The following VPS35L variants were observed in gnomAD, a reference collection of about 807,000 sequenced individuals.
VPS35L encodes the protein VPS35 endosomal protein-sorting factor-like.
Under a neutral mutation model 133.0 loss-of-function variants are expected in VPS35L, and 83 were observed. That is an observed-to-expected ratio of 0.62 (90% confidence interval 0.52 to 0.75). VPS35L has a LOEUF of 0.75. Ranked by LOEUF, VPS35L falls within the 30% of genes least tolerant of loss-of-function variation. The pLI is 0.00. For synonymous variants in VPS35L, 423 were observed against 449.9 expected (o/e 0.94, Z 0.76); for missense variants, 1,083 against 1,206.8 (o/e 0.90, Z 1.52).
intron 24 of VPS35L, among the ~76,000 whole-genome samples, chr16:19,648,300 C>G (rs9938513): frequency 0.4 from 60,658 of 151,880 alleles, 12,766 homozygotes; most frequent in African/African-American, 0.52. Context: ...TTTTGTTACT[C>G]TTCTCTATGG....
intron 14 of VPS35L, among the ~76,000 whole-genome samples, chr16:19,618,831 C>T (rs985087660): frequency 6.6e-6 from 1 of 152,028 alleles, no homozygotes; most frequent in African/African-American, 2.4e-5. Context: ...ATTTTTATAT[C>T]TGTGCGAGAG....
intron 28 of VPS35L, among the ~76,000 whole-genome samples, chr16:19,684,222 GGA>G (rs1223581146): frequency 6.6e-6 from 1 of 152,142 alleles, no homozygotes; most frequent in Non-Finnish European, 1.5e-5. Flanking sequence ...ACTTACCACA[GGA>G]CATCCCAGTT....
At chr16:19,561,554 T>C (rs1466403139) in intron 1 of VPS35L, among the ~76,000 whole-genome samples, 1 of 152,150 alleles carries the variant, frequency 6.6e-6, no homozygotes, top group Non-Finnish European at 1.5e-5. Context: ...AGCTGACTAG[T>C]TGCACGGCAC....
At chr16:19,687,966 G>T (rs529762880) in intron 28 of VPS35L, among the ~76,000 whole-genome samples, 2 of 152,050 alleles carry the variant, frequency 1.3e-5, no homozygotes, top group Admixed American at 1.3e-4. Context: ...ACAAAATGTA[G>T]CCCTGCCTGC....
At chr16:19,609,611 A>G (rs1406747896) in intron 11 of VPS35L, among the ~76,000 whole-genome samples, 3 of 152,216 alleles carry the variant, frequency 2.0e-5, no homozygotes, top group African/African-American at 7.2e-5. Flanking sequence ...TCTGCAGAGC[A>G]GGTGAAATGC....
intron 23 of VPS35L, among the ~76,000 whole-genome samples, chr16:19,645,784 A>G (rs890533912): frequency 6.6e-6 from 1 of 152,170 alleles, no homozygotes; most frequent in African/African-American, 2.4e-5. Context: ...CTGAGTCAGG[A>G]GGGCCGAGAG....
intron 22 of VPS35L, among the ~76,000 whole-genome samples, chr16:19,643,239 T>C (rs1160788519): frequency 6.6e-6 from 1 of 152,210 alleles, no homozygotes; most frequent in Non-Finnish European, 1.5e-5. Flanking sequence ...CGGTAGACTT[T>C]AGTTGGACAA....
intron 3 of VPS35L, among the ~76,000 whole-genome samples, chr16:19,571,581 G>T (rs925492578): frequency 6.6e-6 from 1 of 151,400 alleles, no homozygotes; most frequent in Non-Finnish European, 1.5e-5. Context: ...GTCTCATTCT[G>T]TTGCCCAGGC....
intron 23 of VPS35L, 63 bp from the exon 24 acceptor site, chr16:19,647,721 A>G (rs1188129831): frequency 3.2e-6 from 4 of 1,254,092 alleles, no homozygotes; most frequent in South Asian, 2.4e-5. Context: ...CAGTCATACC[A>G]TGTGCCTGCG....
intron 12 of VPS35L, among the ~76,000 whole-genome samples, chr16:19,612,288 CTG>C (rs944925170): frequency 5.9e-5 from 9 of 151,440 alleles, no homozygotes; most frequent in African/African-American, 2.2e-4. Context: ...GAGTCTCACT[CTG>C]TTGCCCAGGC....
rs551005623 is a variant in VPS35L at position 19,556,919 on chromosome 16, G to A, written c.17+1173G>A. On this transcript the variant is annotated intron_variant, in intron 1 of 30. Coordinates refer to ENST00000417362, the MANE Select transcript of VPS35L (RefSeq NM_020314.7). Reference sequence around the variant, plus strand: ...GCTGGCGGATCACCTGAGGTCAGGGGTTCGAGACCAGCCTGGCCAACATGG... The same window carrying A: ...GCTGGCGGATCACCTGAGGTCAGGGATTCGAGACCAGCCTGGCCAACATGG... Among the ~76,000 whole-genome samples, 7 of 152,166 alleles carry A rather than the reference G, an allele frequency of 4.6e-5. No individual in the cohort carries two copies. In the East Asian group the frequency reaches 1.4e-3, roughly 29 times the overall value.
intron 7 of VPS35L, among the ~76,000 whole-genome samples, chr16:19,588,826 G>A (rs1235090963): frequency 6.6e-6 from 1 of 152,180 alleles, no homozygotes; most frequent in Non-Finnish European, 1.5e-5. Context: ...ACTGCTCTGT[G>A]CCTCTTCAGC....
intron 5 of VPS35L, among the ~76,000 whole-genome samples, chr16:19,575,426 C>T (rs919129370): frequency 5.9e-5 from 9 of 151,586 alleles, no homozygotes; most frequent in Non-Finnish European, 1.0e-4. Flanking sequence ...ATTTGCTGGG[C>T]GTGGTGGCGC....
In VPS35L at chr16:19,591,770, C is replaced by CT. The variant is rs780377861; in HGVS notation, c.640-13dup. Reference sequence around the variant, plus strand: ...CCAGACATGCCAGAGTGAATTTTCTCTTTTTTTCTCTTTTTTTAGTGTTCA... The same window carrying CT: ...CCAGACATGCCAGAGTGAATTTTCTCTTTTTTTTCTCTTTTTTTAGTGTTCA... On this transcript the variant is annotated intron_variant, in intron 7 of 30. Transcript: ENST00000417362. 4.3e-5 allele frequency: 68 copies of CT among 1,585,278 alleles called. No homozygotes were observed. Among genetic ancestry groups the CT allele is most frequent in the Non-Finnish European group, 5.6e-5 (65 of 1,155,274 alleles).
At chr16:19,610,223 C>G in intron 11 of VPS35L, 99 bp from the exon 12 acceptor site, 1 of 1,016,870 alleles carries the variant, frequency 9.8e-7, no homozygotes, top group Non-Finnish European at 1.4e-6. Flanking sequence ...TTTTCCCCCC[C>G]TCCCTGAAAT....
intron 7 of VPS35L, among the ~76,000 whole-genome samples, chr16:19,586,714 C>A (rs1450826694): frequency 6.6e-6 from 1 of 152,170 alleles, no homozygotes; most frequent in African/African-American, 2.4e-5. Context: ...TCTAAGAACT[C>A]TTTGCCTAGC....
intron 14 of VPS35L, among the ~76,000 whole-genome samples, chr16:19,623,171 T>G (rs1973138187): frequency 6.6e-6 from 1 of 151,982 alleles, no homozygotes; most frequent in African/African-American, 2.4e-5. Context: ...TGTGATTGGT[T>G]TGGGTCTGTA....
Position 19,564,966 on chromosome 16 carries a change from G to C in VPS35L, c.117+16G>C, listed in dbSNP as rs766566976. On this transcript the variant is annotated intron_variant, in intron 2 of 30. Coordinates refer to ENST00000417362, the MANE Select transcript of VPS35L (RefSeq NM_020314.7). ...ACCCATAACTGTAAGTTTTGTTAAGGGTCTTTCTGAATGATATTCTTATCC... is the reference window on the plus strand; with the variant it reads ...ACCCATAACTGTAAGTTTTGTTAAGCGTCTTTCTGAATGATATTCTTATCC... 9 of 1,547,854 alleles carry C rather than the reference G, an allele frequency of 5.8e-6. No homozygotes were observed. Among genetic ancestry groups the C allele is most frequent in the South Asian group, 2.2e-5 (2 of 89,278 alleles).
At chr16:19,698,435 C>T (rs1216856243) in intron 29 of VPS35L, among the ~76,000 whole-genome samples, 1 of 152,082 alleles carries the variant, frequency 6.6e-6, no homozygotes, top group Non-Finnish European at 1.5e-5. Context: ...GATTCGAGGG[C>T]CCACTCAGGT....
Sources: allele counts gnomAD v4.1 joint callset (sites outside exome capture counted in the v4.1 genomes callset), GRCh38; gene constraint gnomAD v4.1.1; transcripts MANE v1.5; gene names NCBI Gene and HGNC (gene_info 2026-07-23, HGNC 2026-07-21).